SPOCK3: variants seen among roughly 807,000 people sequenced by gnomAD.
SPOCK3 encodes the protein testican-3.
In SPOCK3, 30 loss-of-function variants were observed where a neutral mutation model predicts 56.6. The observed-to-expected ratio is 0.53, with a 90% CI of 0.40 to 0.72. SPOCK3 has a LOEUF of 0.72. Ranked by LOEUF, SPOCK3 falls within the 30% of genes least tolerant of loss-of-function variation. The pLI is 0.00. For missense variants in SPOCK3, 527 were observed against 530.0 expected (o/e 0.99, Z 0.06); for synonymous variants, 196 against 183.3 (o/e 1.07, Z -0.56).
intron 7 of SPOCK3, among the ~76,000 whole-genome samples, chr4:166,776,361 C>T (rs139382447): frequency 0.043 from 6,499 of 151,972 alleles, 195 homozygotes; most frequent in Non-Finnish European, 0.055. Context: ...TGCAGTGAGC[C>T]GAGATTGCAC....
chr4:167,202,849 A>G (rs1733652518), intron 2 of SPOCK3, among the ~76,000 whole-genome samples: 1 of 151,870 alleles, frequency 6.6e-6, no homozygotes, highest in African/African-American at 2.4e-5. Flanking sequence ...ATGTAGATAA[A>G]GGGGAATACT....
chr4:167,081,095 C>A (rs1054546739), intron 2 of SPOCK3, among the ~76,000 whole-genome samples: 1 of 151,786 alleles, frequency 6.6e-6, no homozygotes, highest in Non-Finnish European at 1.5e-5. Context: ...CCTGATAAAT[C>A]CCTGTTTTTG....
At chr4:167,228,470 T>A (rs555156455) in intron 2 of SPOCK3, among the ~76,000 whole-genome samples, 1 of 152,298 alleles carries the variant, frequency 6.6e-6, no homozygotes, top group Admixed American at 6.5e-5. Flanking sequence ...GATCAATTCA[T>A]ACCTCCTGAC....
chr4:167,066,654 C>T (rs1205195939), intron 2 of SPOCK3, among the ~76,000 whole-genome samples: 1 of 151,736 alleles, frequency 6.6e-6, no homozygotes, highest in Non-Finnish European at 1.5e-5. Context: ...ATATAATACT[C>T]TTTGGTATCG....
At chr4:166,910,516 C>T (rs753270225) in intron 5 of SPOCK3, among the ~76,000 whole-genome samples, 4 of 152,068 alleles carry the variant, frequency 2.6e-5, no homozygotes, top group Non-Finnish European at 5.9e-5. Context: ...ATAATACGTG[C>T]TTTTAGTCTT....
chr4:166,873,855 A>G (rs1180115472), intron 6 of SPOCK3, among the ~76,000 whole-genome samples: 1 of 152,200 alleles, frequency 6.6e-6, no homozygotes, highest in Non-Finnish European at 1.5e-5. Context: ...CAGATTCTAA[A>G]GGAAAAAGAG....
At chr4:167,121,622 G>C (rs1761872977) in intron 2 of SPOCK3, among the ~76,000 whole-genome samples, 1 of 152,092 alleles carries the variant, frequency 6.6e-6, no homozygotes, top group African/African-American at 2.4e-5. Flanking sequence ...CTCATATTAT[G>C]TGACTGCATA....
chr4:167,176,035 T>A (rs1220046064), intron 2 of SPOCK3, among the ~76,000 whole-genome samples: 1 of 152,156 alleles, frequency 6.6e-6, no homozygotes, highest in Non-Finnish European at 1.5e-5. Context: ...CTGGAGGTGC[T>A]ATAGAATGCT....
At chr4:167,034,144 C>T (rs1206461817) in intron 3 of SPOCK3, among the ~76,000 whole-genome samples, 8 of 151,812 alleles carry the variant, frequency 5.3e-5, no homozygotes, top group Non-Finnish European at 1.2e-4. Context: ...CCTCAGAATT[C>T]TTATAAATTC....
intron 8 of SPOCK3, among the ~76,000 whole-genome samples, chr4:166,748,059 C>A (rs1373544773): frequency 6.6e-6 from 1 of 151,898 alleles, no homozygotes; most frequent in Non-Finnish European, 1.5e-5. Context: ...GGCCTTACTG[C>A]CCAAGGTAAT....
chr4:167,204,330 T>C (rs942041122), intron 2 of SPOCK3, among the ~76,000 whole-genome samples: 20 of 152,036 alleles, frequency 1.3e-4, no homozygotes, highest in Non-Finnish European at 2.8e-4. Context: ...TACGAAGAAA[T>C]AGCCGAGACT....
chr4:166,810,131 C>T (rs1036113135), intron 6 of SPOCK3, among the ~76,000 whole-genome samples: 11 of 152,040 alleles, frequency 7.2e-5, no homozygotes, highest in African/African-American at 2.7e-4. Flanking sequence ...TGAACCCTTC[C>T]CCAAATCATT....
At chr4:166,764,907 T>C (rs1490602039) in intron 7 of SPOCK3, among the ~76,000 whole-genome samples, 1 of 151,894 alleles carries the variant, frequency 6.6e-6, no homozygotes, top group Non-Finnish European at 1.5e-5. Context: ...TGGTATCTCA[T>C]TGTGGTTTTG....
chr4:167,113,003 G>C (rs1232840283), intron 2 of SPOCK3, among the ~76,000 whole-genome samples: 1 of 152,062 alleles, frequency 6.6e-6, no homozygotes, highest in Non-Finnish European at 1.5e-5. Context: ...TCAGTATCAG[G>C]TGATTTGCCT....
chr4:167,210,858 C>T (rs906209445), intron 2 of SPOCK3, among the ~76,000 whole-genome samples: 8 of 152,132 alleles, frequency 5.3e-5, no homozygotes, highest in African/African-American at 1.9e-4. Context: ...TATGCAAACA[C>T]ATTTTTAATT....
intron 2 of SPOCK3, among the ~76,000 whole-genome samples, chr4:167,114,685 C>G (rs2150352790): frequency 1.3e-5 from 2 of 152,206 alleles, no homozygotes; most frequent in Admixed American, 1.3e-4. Flanking sequence ...GAGACTTTCA[C>G]TTGAGATTTC....
At chr4:166,841,564 T>C (rs1747337374) in intron 6 of SPOCK3, among the ~76,000 whole-genome samples, 2 of 152,250 alleles carry the variant, frequency 1.3e-5, no homozygotes. Context: ...CTTATTTTTG[T>C]GTCTGTCACT....
intron 6 of SPOCK3, among the ~76,000 whole-genome samples, chr4:166,818,418 TA>T (rs1744594477): frequency 6.6e-6 from 1 of 152,082 alleles, no homozygotes; most frequent in South Asian, 2.1e-4. Context: ...AGCATTATAG[TA>T]AAAACATTTT....
intron 2 of SPOCK3, among the ~76,000 whole-genome samples, chr4:167,103,410 A>G (rs1759826428): frequency 6.6e-6 from 1 of 152,128 alleles, no homozygotes; most frequent in African/African-American, 2.4e-5. Context: ...AGCATTTACC[A>G]TAAGCTCGCT....
Sources: gnomAD v4.1 joint callset for allele counts (sites outside exome capture counted in the v4.1 genomes callset) on GRCh38, gnomAD v4.1.1 for gene constraint, MANE v1.5 for transcripts, NCBI Gene and HGNC (gene_info 2026-07-23, HGNC 2026-07-21) for gene names.